STXBP5L: variants seen among roughly 807,000 people sequenced by gnomAD.
The protein encoded by STXBP5L is syntaxin-binding protein 5-like.
Under a neutral mutation model 144.5 loss-of-function variants are expected in STXBP5L, and 65 were observed. That is an observed-to-expected ratio of 0.45 (90% CI 0.37 to 0.55). The LOEUF is 0.55. Among genes scored for constraint, STXBP5L ranks in the 20% least tolerant of loss-of-function variants. The pLI, the probability that STXBP5L is intolerant of heterozygous loss-of-function variation, is 0.00. For synonymous variants in STXBP5L, 505 were observed against 469.6 expected (o/e 1.08, Z -0.97); for missense variants, 1,298 against 1,405.5 (o/e 0.92, Z 1.22).
chr3:121,051,141 C>T (rs1275397391), intron 5 of STXBP5L, among the ~76,000 whole-genome samples: 1 of 152,166 alleles, frequency 6.6e-6, no homozygotes, highest in African/African-American at 2.4e-5. Context: ...TAATGGGAGA[C>T]TTTAACACCC....
chr3:121,275,836 G>A (rs1193419339), intron 18 of STXBP5L, among the ~76,000 whole-genome samples: 12 of 151,850 alleles, frequency 7.9e-5, no homozygotes, highest in Non-Finnish European at 1.2e-4. Flanking sequence ...TAGTATAGTC[G>A]TTTCAGCATT....
chr3:121,315,336 G>C (rs2108524025), intron 19 of STXBP5L, among the ~76,000 whole-genome samples: 1 of 152,078 alleles, frequency 6.6e-6, no homozygotes, highest in East Asian at 1.9e-4. Flanking sequence ...TCCTTTGTAG[G>C]GACATGGATG....
At chr3:121,165,095 A>T (rs1214993150) in intron 9 of STXBP5L, among the ~76,000 whole-genome samples, 2 of 152,204 alleles carry the variant, frequency 1.3e-5, no homozygotes, top group African/African-American at 4.8e-5. Context: ...CTATAGTAAC[A>T]TGTTTACCAT....
At chr3:121,084,996 C>A (rs577825288) in intron 5 of STXBP5L, among the ~76,000 whole-genome samples, 15 of 150,158 alleles carry the variant, frequency 1.0e-4, no homozygotes, top group African/African-American at 3.0e-4. Context: ...ATGTGTTTGT[C>A]AACCGCATGT....
intron 9 of STXBP5L, among the ~76,000 whole-genome samples, chr3:121,173,503 A>G (rs1464613335): frequency 2.0e-5 from 3 of 151,814 alleles, no homozygotes; most frequent in Admixed American, 1.3e-4. Flanking sequence ...AGGGGCACCA[A>G]CTCCCCACCA....
At chr3:121,032,277 T>C (rs1946425111) in intron 3 of STXBP5L, among the ~76,000 whole-genome samples, 1 of 150,444 alleles carries the variant, frequency 6.6e-6, no homozygotes, top group Non-Finnish European at 1.5e-5. Context: ...TTGGAGAGTC[T>C]TGTTATTATA....
rs1386165872 is a variant in STXBP5L at position 121,254,883 on chromosome 3, G to A, written c.1442-12G>A. 5 of 1,577,034 alleles carry A rather than the reference G, an allele frequency of 3.2e-6. No individual in the cohort carries two copies. The highest frequency in any genetic ancestry group is 2.3e-5 in the East Asian group (1 of 44,324). On this transcript the variant is annotated splice_polypyrimidine_tract_variant and intron_variant, in intron 15 of 26. Transcript: ENST00000471454. Reference sequence around the variant, plus strand: ...TTAAATTAGAAGATAACTGTGCTTCGATGTCTTATAGTAACTCTGCAGATG... The same window carrying A: ...TTAAATTAGAAGATAACTGTGCTTCAATGTCTTATAGTAACTCTGCAGATG...
intron 3 of STXBP5L, among the ~76,000 whole-genome samples, chr3:121,003,076 T>C (rs1193405003): frequency 6.6e-6 from 1 of 152,220 alleles, no homozygotes; most frequent in South Asian, 2.1e-4. Flanking sequence ...TACCCAGTAA[T>C]GGGATGGCTG....
chr3:120,966,924 T>C (rs1221716950), intron 3 of STXBP5L, among the ~76,000 whole-genome samples: 3 of 152,138 alleles, frequency 2.0e-5, no homozygotes, highest in Admixed American at 6.5e-5. Context: ...CTAGAGGCAG[T>C]AGAGCTTGTT....
intron 11 of STXBP5L, among the ~76,000 whole-genome samples, chr3:121,227,526 G>A (rs760933802): frequency 6.6e-6 from 1 of 152,146 alleles, no homozygotes; most frequent in Admixed American, 6.6e-5. Flanking sequence ...AAGCTGCAGC[G>A]ATCTATGATT....
intron 20 of STXBP5L, among the ~76,000 whole-genome samples, chr3:121,364,582 A>T (rs1196534057): frequency 6.6e-6 from 1 of 151,970 alleles, no homozygotes; most frequent in Non-Finnish European, 1.5e-5. Context: ...TAATCCATGA[A>T]CATGGGATAT....
intron 20 of STXBP5L, among the ~76,000 whole-genome samples, chr3:121,354,508 CTTTTTTTT>C (rs145703750): frequency 1.5e-5 from 1 of 67,542 alleles, no homozygotes; most frequent in Non-Finnish European, 2.7e-5. Flanking sequence ...TGCAACCCTG[CTTTTTTTT>C]TTTTTTTTTT....
intron 10 of STXBP5L, among the ~76,000 whole-genome samples, chr3:121,213,639 T>C (rs959749575): frequency 6.6e-6 from 1 of 150,822 alleles, no homozygotes; most frequent in African/African-American, 2.4e-5. Context: ...GATTTTTGCA[T>C]TGATGTTCAT....
At chr3:121,350,752 C>T (rs1313892621) in intron 20 of STXBP5L, among the ~76,000 whole-genome samples, 9 of 152,112 alleles carry the variant, frequency 5.9e-5, no homozygotes, top group South Asian at 2.1e-4. Context: ...TTGATCGAAT[C>T]AGCTACTGAG....
intron 3 of STXBP5L, among the ~76,000 whole-genome samples, chr3:121,038,363 T>A (rs896472658): frequency 6.6e-6 from 1 of 152,022 alleles, no homozygotes; most frequent in Non-Finnish European, 1.5e-5. Flanking sequence ...TACTGTTTTT[T>A]ATCAATGCTT....
chr3:121,144,490 G>A (rs2045641598), intron 7 of STXBP5L, among the ~76,000 whole-genome samples: 1 of 151,914 alleles, frequency 6.6e-6, no homozygotes, highest in South Asian at 2.1e-4. Context: ...TGACAAGGAT[G>A]TGAAGATATT....
At chr3:121,231,883 C>T (rs1468851059) in intron 11 of STXBP5L, among the ~76,000 whole-genome samples, 1 of 152,104 alleles carries the variant, frequency 6.6e-6, no homozygotes, top group Non-Finnish European at 1.5e-5. Flanking sequence ...CAGAAAAAGC[C>T]AATCAAACAA....
At chr3:121,069,515 G>C (rs78158375) in intron 5 of STXBP5L, among the ~76,000 whole-genome samples, 1 of 151,854 alleles carries the variant, frequency 6.6e-6, no homozygotes, top group Non-Finnish European at 1.5e-5. Context: ...TCCAAAAAGC[G>C]CAATTGCCGG....
chr3:121,161,873 T>C (rs1370996581), intron 9 of STXBP5L, among the ~76,000 whole-genome samples: 2 of 152,170 alleles, frequency 1.3e-5, no homozygotes, highest in African/African-American at 4.8e-5. Flanking sequence ...TTACCGCTTT[T>C]ATTTAATATT....
Sources: gnomAD v4.1 joint callset for allele counts (sites outside exome capture counted in the v4.1 genomes callset) on GRCh38, gnomAD v4.1.1 for gene constraint, MANE v1.5 for transcripts, NCBI Gene and HGNC (gene_info 2026-07-23, HGNC 2026-07-21) for gene names.